The following PIGL variants were observed in gnomAD, a reference collection of about 807,000 sequenced individuals.
PIGL encodes the protein phosphatidylinositol glycan anchor biosynthesis class L.
A neutral mutation model predicts 31.1 loss-of-function variants in PIGL; 22 were observed. That is an observed-to-expected ratio of 0.71 (90% CI 0.51 to 1.01). The LOEUF is 1.01. Among genes scored for constraint, PIGL ranks in the 50% least tolerant of loss-of-function variants. The probability of loss-of-function intolerance (pLI) is 0.00; values close to 1 mark genes in which losing one functional copy is unlikely to be tolerated. For missense variants in PIGL, 302 were observed against 315.9 expected, an observed-to-expected ratio of 0.96 and a Z score of 0.33; for synonymous variants, 131 against 117.4, an observed-to-expected ratio of 1.12 and a Z score of -0.75.
chr17:16,273,578 G>A (rs983614074), intron 2 of PIGL, among the ~76,000 whole-genome samples: 4 of 151,960 alleles, frequency 2.6e-5, no homozygotes, highest in African/African-American at 4.8e-5. Flanking sequence ...GTATGGTCAC[G>A]TGAGAAATCA....
chr17:16,317,717 G>GA (rs1037674375), intron 5 of PIGL, 58 bp from the exon 6 acceptor site: 2 of 1,608,528 alleles, frequency 1.2e-6, no homozygotes, highest in Non-Finnish European at 8.5e-7. Context: ...ATGCTCAGGG[G>GA]AAAATCTGGC....
At chr17:16,293,042 G>A (rs1373817037) in intron 2 of PIGL, among the ~76,000 whole-genome samples, 1 of 152,152 alleles carries the variant, frequency 6.6e-6, no homozygotes, top group Non-Finnish European at 1.5e-5. Context: ...GAGCTGATTA[G>A]GGTTGAACTT....
At chr17:16,260,115 G>A (rs1230095033) in intron 2 of PIGL, among the ~76,000 whole-genome samples, 1 of 152,204 alleles carries the variant, frequency 6.6e-6, no homozygotes, top group African/African-American at 2.4e-5. Flanking sequence ...CAAGTGGGAG[G>A]CCGAGGGGGT....
chr17:16,316,826 T>G, intron 5 of PIGL, 114 bp downstream of exon 5: 2 of 1,538,936 alleles, frequency 1.3e-6, no homozygotes, highest in Non-Finnish European at 8.8e-7. Context: ...GAGGCAGTGG[T>G]TGGGGAGGCC....
At position 16,229,519 on chromosome 17, in the gene PIGL, CA is replaced by C. The variant is rs1259626335; in HGVS notation, c.236-4451del. Among the ~76,000 whole-genome samples the C allele has an allele frequency of 4.4e-4, 57 of 128,364 alleles. No homozygotes were observed. In the Middle Eastern group the frequency reaches 0.016, roughly 37 times the overall value. The allele number at this position is 128,364 out of a possible 152,430, so 84.2% of individuals were successfully genotyped here. On this transcript the variant is annotated intron_variant, in intron 1 of 6. Transcript: ENST00000225609. Reference sequence around the variant, plus strand: ...TTTTTTTTGAGTATAATTGCTGAGACATATGGTAATTCTGTATTTAAATTTT... The same window carrying C: ...TTTTTTTTGAGTATAATTGCTGAGACTATGGTAATTCTGTATTTAAATTTT...
intron 6 of PIGL, among the ~76,000 whole-genome samples, chr17:16,323,678 T>C (rs1235922139): frequency 6.8e-6 from 1 of 147,714 alleles, no homozygotes; most frequent in African/African-American, 2.5e-5. Context: ...AGTGGTAAGA[T>C]CTCAGCTCAC....
In PIGL at chr17:16,301,871, AT is replaced by A. The variant is rs375406617; in HGVS notation, c.426+1905del. On this transcript the variant is annotated intron_variant, in intron 3 of 6. Transcript: ENST00000225609. ...GGCGTGAGCCACCACGCCCAGCCTAATTTTTTTTTTTTAGAGACAGGATCTT... is the reference window on the plus strand; with the variant it reads ...GGCGTGAGCCACCACGCCCAGCCTAATTTTTTTTTTTAGAGACAGGATCTT... Among the ~76,000 whole-genome samples the A allele has an allele frequency of 6.5e-3, 942 of 145,178 alleles. 13 individuals carry two copies. Among genetic ancestry groups the A allele is most frequent in the African/African-American group, 0.02 (790 of 39,880 alleles).
chr17:16,250,735 A>T (rs1055199662), intron 2 of PIGL, among the ~76,000 whole-genome samples: 1 of 152,228 alleles, frequency 6.6e-6, no homozygotes, highest in Admixed American at 6.5e-5. Context: ...ATCTTTCTTA[A>T]TCCTCAAAAT....
chr17:16,254,597 G>A (rs1219935254), intron 2 of PIGL, among the ~76,000 whole-genome samples: 1 of 128,534 alleles, frequency 7.8e-6, no homozygotes, highest in Non-Finnish European at 1.8e-5. Context: ...TTGTTTGGTT[G>A]GTTGTTTTTT....
At chr17:16,320,297 G>A (rs866025757) in intron 6 of PIGL, among the ~76,000 whole-genome samples, 9 of 127,306 alleles carry the variant, frequency 7.1e-5, no homozygotes, top group African/African-American at 2.4e-4. Flanking sequence ...GAGGGAGGAA[G>A]GGGAAGGGAA....
At chr17:16,256,168 G>T (rs574621139) in intron 2 of PIGL, among the ~76,000 whole-genome samples, 10 of 152,300 alleles carry the variant, frequency 6.6e-5, no homozygotes, top group African/African-American at 1.7e-4. Flanking sequence ...GATATTCATT[G>T]CAGCACTATT....
At chr17:16,280,738 C>T (rs2092913408) in intron 2 of PIGL, among the ~76,000 whole-genome samples, 1 of 152,152 alleles carries the variant, frequency 6.6e-6, no homozygotes, top group African/African-American at 2.4e-5. Flanking sequence ...TAGAGTCTCG[C>T]TCTGTCACCC....
At chr17:16,235,744 T>C (rs934938893) in intron 2 of PIGL, among the ~76,000 whole-genome samples, 1 of 146,022 alleles carries the variant, frequency 6.8e-6, no homozygotes, top group African/African-American at 2.5e-5. Context: ...TGAACCACTG[T>C]GTCCGGTCTT....
chr17:16,287,609 T>A (rs2092943638), intron 2 of PIGL, among the ~76,000 whole-genome samples: 1 of 152,242 alleles, frequency 6.6e-6, no homozygotes, highest in South Asian at 2.1e-4. Flanking sequence ...ATATTTCTGT[T>A]CCTCTTTCGT....
chr17:16,266,535 C>T (rs528256235), intron 2 of PIGL, among the ~76,000 whole-genome samples: 14 of 152,026 alleles, frequency 9.2e-5, no homozygotes, highest in African/African-American at 3.4e-4. Flanking sequence ...TTATGTTGAC[C>T]GAATCAAGAC....
At chr17:16,323,139 A>G (rs2093112824) in intron 6 of PIGL, among the ~76,000 whole-genome samples, 1 of 152,238 alleles carries the variant, frequency 6.6e-6, no homozygotes, top group African/African-American at 2.4e-5. Context: ...TATTTCCACT[A>G]GAAACAATGG....
At chr17:16,276,799 CATA>C (rs2092897815) in intron 2 of PIGL, among the ~76,000 whole-genome samples, 1 of 152,164 alleles carries the variant, frequency 6.6e-6, no homozygotes, top group African/African-American at 2.4e-5. Context: ...GTTTTTGAAA[CATA>C]ACGTTTTTCT....
At chr17:16,268,518 G>A (rs192146852) in intron 2 of PIGL, among the ~76,000 whole-genome samples, 98 of 152,258 alleles carry the variant, frequency 6.4e-4, no homozygotes, top group African/African-American at 2.2e-3. Flanking sequence ...GTGCCATCTT[G>A]GTTCACTGCA....
At chr17:16,282,662 T>C (rs1415704301) in intron 2 of PIGL, among the ~76,000 whole-genome samples, 1 of 152,210 alleles carries the variant, frequency 6.6e-6, no homozygotes, top group Admixed American at 6.5e-5. Context: ...GGAAGGAAGG[T>C]ATCCTCCTCA....
Sources: allele counts gnomAD v4.1 joint callset (sites outside exome capture counted in the v4.1 genomes callset), GRCh38; gene constraint gnomAD v4.1.1; transcripts MANE v1.5; gene names NCBI Gene and HGNC (gene_info 2026-07-23, HGNC 2026-07-21).